Variants in ATP5MC2 observed in about 807,000 individuals in gnomAD.
ATP5MC2 encodes the protein ATP synthase membrane subunit c locus 2.
A neutral mutation model predicts 13.5 loss-of-function variants in ATP5MC2; 11 were observed. That is an observed-to-expected ratio of 0.81 (90% CI 0.51 to 1.35). The LOEUF (loss-of-function observed/expected upper bound fraction) is 1.35, where lower values mean the gene tolerates loss of function less well. Among genes scored for constraint, ATP5MC2 ranks in the 40% most tolerant of loss-of-function variants. ATP5MC2 has a pLI of 0.00. For synonymous variants in ATP5MC2, 64 were observed against 69.7 expected (o/e 0.92, Z 0.41); for missense variants, 132 against 175.0 (o/e 0.75, Z 1.39).
intron 4 of ATP5MC2, among the ~76,000 whole-genome samples, chr12:53,668,161 G>A (rs1194799847): frequency 2.0e-5 from 3 of 150,184 alleles, no homozygotes; most frequent in Admixed American, 2.0e-4. Flanking sequence ...GCTAATTTTT[G>A]TATTTTTAGC....
At chr12:53,671,429 G>A (rs928233982) in intron 2 of ATP5MC2, among the ~76,000 whole-genome samples, 2 of 152,186 alleles carry the variant, frequency 1.3e-5, no homozygotes, top group East Asian at 3.8e-4. Context: ...TGAACCAACC[G>A]CCTCCTCTAG....
intron 1 of ATP5MC2, among the ~76,000 whole-genome samples, chr12:53,674,512 G>A (rs1332423468): frequency 6.6e-6 from 1 of 152,222 alleles, no homozygotes; most frequent in African/African-American, 2.4e-5. Context: ...TAAGTTACAT[G>A]CTTTCTAATA....
rs760053958 is a variant in ATP5MC2 at position 53,676,035 on chromosome 12, T to C, written c.-32+18A>G. 1.9e-6 allele frequency: 3 copies of C among 1,611,914 alleles called. No individual in the cohort carries two copies. The highest frequency in any genetic ancestry group is 1.1e-5 in the South Asian group (1 of 90,918). On this transcript the variant is annotated intron_variant, in intron 1 of 4. Coordinates refer to ENST00000394349, the MANE Select transcript of ATP5MC2 (RefSeq NM_005176.7). Reference sequence around the variant, plus strand: ...CGCGTGCGCAGCGCACAGAGGGCTCTAGGTCCCAAGGCCTTACCTGCTCCC... The same window carrying C: ...CGCGTGCGCAGCGCACAGAGGGCTCCAGGTCCCAAGGCCTTACCTGCTCCC...
At chr12:53,667,997 A>ATATTTTT (rs1944983859) in intron 4 of ATP5MC2, among the ~76,000 whole-genome samples, 1 of 126,838 alleles carries the variant, frequency 7.9e-6, no homozygotes, top group African/African-American at 3.0e-5. Context: ...ATATATATAA[A>ATATTTTT]TTTTTTTTTT....
Position 53,675,001 on chromosome 12 carries a change from TAAAG to T in ATP5MC2, c.-32+1048_-32+1051del. On this transcript the variant is annotated intron_variant, in intron 1 of 4. Coordinates refer to ENST00000394349, the MANE Select transcript of ATP5MC2 (RefSeq NM_005176.7). ...ATGTTCATTTACAAATTAACATACA[TAAAG>T]AGTTTAATGTGGTGCTGGCATATAA... 3.9e-5 allele frequency among the ~76,000 whole-genome samples: 6 copies of T among 152,332 alleles called. No homozygotes were observed. In the East Asian group the frequency reaches 1.2e-3, roughly 29 times the overall value.
intron 4 of ATP5MC2, among the ~76,000 whole-genome samples, chr12:53,667,028 A>C (rs1240303332): frequency 6.6e-6 from 1 of 151,986 alleles, no homozygotes; most frequent in Non-Finnish European, 1.5e-5. Context: ...CCAGTGTTGA[A>C]GGCCCATATA....
intron 4 of ATP5MC2, among the ~76,000 whole-genome samples, chr12:53,667,313 A>G (rs927630438): frequency 2.0e-5 from 3 of 152,158 alleles, no homozygotes; most frequent in African/African-American, 7.2e-5. Flanking sequence ...TTTTCCCAGG[A>G]GTGACAGAGG....
chr12:53,671,088 A>C (rs1216518213), intron 2 of ATP5MC2, among the ~76,000 whole-genome samples: 2 of 152,192 alleles, frequency 1.3e-5, no homozygotes, highest in Non-Finnish European at 2.9e-5. Flanking sequence ...ATAGGAACAA[A>C]GATTCATGCT....
At chr12:53,676,851 C>G (rs1352473863), upstream of ATP5MC2, 1 of 151,844 alleles carries the variant, frequency 6.6e-6, no homozygotes, top group Non-Finnish European at 1.5e-5. Flanking sequence ...CCCCCATGCT[C>G]TCCTGAACGT....
At chr12:53,671,174 C>A (rs4759280) in intron 2 of ATP5MC2, among the ~76,000 whole-genome samples, 92,208 of 152,094 alleles carry the variant, frequency 0.61, 29,986 homozygotes, top group East Asian at 0.95. Flanking sequence ...CATGGTGATT[C>A]ATAGCCAGGG....
chr12:53,677,470 T>G (rs1945306545), upstream of ATP5MC2: 2 of 152,246 alleles, frequency 1.3e-5, no homozygotes, highest in Admixed American at 6.5e-5. Flanking sequence ...CAATCCATCT[T>G]GCAGGCGGGC....
upstream of ATP5MC2, among the ~76,000 whole-genome samples, chr12:53,678,358 CCACCACCATCACCACCATCAT>C (rs1478258406): frequency 9.0e-6 from 1 of 110,782 alleles, no homozygotes; most frequent in Non-Finnish European, 2.0e-5. Context: ...ACCACCACCA[CCACCACCATCACCACCATCAT>C]CACCATCATC....
intron 2 of ATP5MC2, among the ~76,000 whole-genome samples, chr12:53,670,459 C>T (rs1262547219): frequency 6.6e-6 from 1 of 152,156 alleles, no homozygotes; most frequent in Non-Finnish European, 1.5e-5. Flanking sequence ...AATCACCTAG[C>T]AACACAGTAC....
Position 53,668,784 on chromosome 12 carries a change from C to T in ATP5MC2, c.311+364G>A, listed in dbSNP as rs529481028. Among the ~76,000 whole-genome samples, 13 of 151,864 alleles carry T rather than the reference C, an allele frequency of 8.6e-5. No homozygotes were observed. In the East Asian group the frequency reaches 2.2e-3, roughly 25 times the overall value. On this transcript the variant is annotated intron_variant, in intron 4 of 4. Coordinates refer to ENST00000394349, the MANE Select transcript of ATP5MC2 (RefSeq NM_005176.7). ...CTGTAATCCTGGCAGTTAGGGAGGC[C>T]GAGGCAGGTGGATCACTTGAGGTCA...
intron 1 of ATP5MC2, 142 bp downstream of exon 1, chr12:53,675,911 G>A: frequency 7.6e-7 from 1 of 1,308,312 alleles, no homozygotes; most frequent in Non-Finnish European, 1.0e-6. Flanking sequence ...CCAACTCTAA[G>A]GCTAAGGGAT....
upstream of ATP5MC2, chr12:53,676,171 C>T (rs191015555): frequency 1.9e-6 from 3 of 1,614,232 alleles, no homozygotes; most frequent in Admixed American, 5.0e-5. Context: ...GTGATTGCAA[C>T]ATACAGGATC....
At chr12:53,678,361 CCACCAT>C (rs1256155017), upstream of ATP5MC2, among the ~76,000 whole-genome samples, 51 of 111,034 alleles carry the variant, frequency 4.6e-4, no homozygotes, top group Admixed American at 2.9e-3. Context: ...ACCACCACCA[CCACCAT>C]CACCACCATC....
upstream of ATP5MC2, among the ~76,000 whole-genome samples, chr12:53,680,507 G>A (rs543467056): frequency 3.3e-5 from 5 of 152,108 alleles, no homozygotes; most frequent in Admixed American, 1.3e-4. Flanking sequence ...TAGTCAAGGG[G>A]GCAACATAAT....
At chr12:53,672,481 T>C (rs1320531282) in intron 2 of ATP5MC2, 95 bp downstream of exon 2, 34 of 1,336,154 alleles carry the variant, frequency 2.5e-5, no homozygotes, top group Non-Finnish European at 3.6e-5. Context: ...CTGGACCTCC[T>C]CTCCCCCAGC....
Sources: allele counts gnomAD v4.1 joint callset (sites outside exome capture counted in the v4.1 genomes callset), GRCh38; gene constraint gnomAD v4.1.1; transcripts MANE v1.5; gene names NCBI Gene and HGNC (gene_info 2026-07-23, HGNC 2026-07-21).